MUC5B: variants seen among roughly 807,000 people sequenced by gnomAD.
The protein encoded by MUC5B is mucin 5B, oligomeric mucus/gel-forming.
Under a neutral mutation model 376.9 loss-of-function variants are expected in MUC5B, and 116 were observed. That is an observed-to-expected ratio of 0.31 (90% CI 0.26 to 0.36). The LOEUF is 0.36. MUC5B is among the 10% of genes least tolerant of loss of function. MUC5B has a pLI of 1.00. For missense variants in MUC5B, 7,165 were observed against 7,769.9 expected, an observed-to-expected ratio of 0.92 and a Z score of 2.93; for synonymous variants, 3,517 against 3,390.9, an observed-to-expected ratio of 1.04 and a Z score of -1.29.
In MUC5B at chr11:1,253,178, G is replaced by A. The variant is rs1248112190; in HGVS notation, c.15217+198G>A. On this transcript the variant is annotated intron_variant, in intron 33 of 48. Transcript: ENST00000529681. The surrounding 1 kb of genome is among the most constrained non-coding windows in gnomAD (Gnocchi z 4.3). ...TGGTGGTGGTGTTTGGGAGATCGCTGGCATCCCTTCAGGAAACCATCATGC... is the reference window on the plus strand; with the variant it reads ...TGGTGGTGGTGTTTGGGAGATCGCTAGCATCCCTTCAGGAAACCATCATGC... 2.0e-5 allele frequency among the ~76,000 whole-genome samples: 3 copies of A among 152,050 alleles called. No homozygotes were observed. Among genetic ancestry groups the A allele is most frequent in the Non-Finnish European group, 4.4e-5 (3 of 67,996 alleles).
At position 1,253,971 on chromosome 11, in the gene MUC5B, C is replaced by T; in HGVS notation, c.15218-121C>T. On this transcript the variant is annotated intron_variant, in intron 33 of 48. Coordinates refer to ENST00000529681, the MANE Select transcript of MUC5B (RefSeq NM_002458.3). The surrounding 1 kb of genome is among the most constrained non-coding windows in gnomAD (Gnocchi z 4.3). ...ATTTTTATAGACGAGGCAGCTGAGG[C>T]CCCAGGGGCTTCAGTGGCTCCCCAA... is the stretch of plus-strand genomic sequence containing the variant. 1 of 1,386,206 alleles carries T rather than the reference C, an allele frequency of 7.2e-7. No homozygotes were observed. Among genetic ancestry groups the T allele is most frequent in the Admixed American group, 2.1e-5 (1 of 46,616 alleles). 85.9% of individuals were successfully genotyped at this position (1,386,206 alleles called of 1,614,324 possible). A position where few individuals can be genotyped will look rare whatever the true frequency, so the allele number is the denominator to read the frequency against.
In MUC5B at chr11:1,223,203, C is replaced by T. The variant is rs1417021511; in HGVS notation, c.70+10C>T. The T allele has an allele frequency of 1.4e-6, 1 of 710,350 alleles. No homozygotes were observed. Among genetic ancestry groups the T allele is most frequent in the East Asian group, 2.7e-5 (1 of 37,264 alleles). The allele number at this position is 710,350 out of a possible 1,614,324, so 44.0% of individuals were successfully genotyped here. On this transcript the variant is annotated intron_variant, in intron 1 of 48. Transcript: ENST00000529681. ...GTGGTGCCGCAGGCAGGTAAGAGCCCCCCACTCCGCCCCCTCTCGATGCTG... is the reference window on the plus strand; with the variant it reads ...GTGGTGCCGCAGGCAGGTAAGAGCCTCCCACTCCGCCCCCTCTCGATGCTG...
intron 3 of MUC5B, 93 bp from the exon 4 acceptor site, chr11:1,226,522 T>G: frequency 6.7e-7 from 1 of 1,485,668 alleles, no homozygotes; most frequent in Non-Finnish European, 9.0e-7. Context: ...ACCATGGGCT[T>G]TTCCATTCCA....
chr11:1,248,634 G>A lies in MUC5B; in HGVS notation c.11754G>A (p.Val3918=), dbSNP rs777885766. ...SVPGTTHTPT[V]LTTTTTTVAT... The stretch of plus-strand genomic sequence containing the variant: ...CGGGGACCACCCACACCCCCACAGT[G>A]CTGACCACCACCACCACAACTGTGG... The change falls in exon 31 of 49, where the codon GTG becomes GTA. Residue 3918 remains valine (V), a synonymous_variant. Transcript: ENST00000529681. 3.1e-6 allele frequency: 5 copies of A among 1,610,988 alleles called. No homozygotes were observed. In the East Asian group the frequency reaches 8.9e-5, roughly 29 times the overall value.
At position 1,254,875 on chromosome 11, in the gene MUC5B, A is replaced by G; in HGVS notation, c.15659A>G (p.Gln5220Arg). ...YSLFHNNTEG[Q>R]CGTCTNNQRD... ...CTCTTCCACAACAACACCGAGGGCC[A>G]GTGCGGTGAGTGGGCGGCGGGTCCT... is the stretch of plus-strand genomic sequence containing the variant. The change falls in exon 35 of 49, where the codon CAG becomes CGG. Residue 5220 changes from glutamine to arginine, a missense_variant. Transcript: ENST00000529681. The G allele has an allele frequency of 6.2e-7, 1 of 1,607,586 alleles. No individual in the cohort carries two copies. The highest frequency in any genetic ancestry group is 8.5e-7 in the Non-Finnish European group (1 of 1,178,496).
chr11:1,252,916 C>T lies in MUC5B; in HGVS notation c.15153C>T (p.Asn5051=), dbSNP rs1303023918. ...PKPVANVTCV[N]KHLPIKVSDP... is the part of the protein sequence containing the mutation. ...CTGTGGCCAACGTCACCTGCGTGAA[C>T]AAGCACCTGCCCATCAAAGTGTCGG... is the stretch of plus-strand genomic sequence containing the variant. The change falls in exon 33 of 49, where the codon AAC becomes AAT. Residue 5051 remains asparagine, a synonymous_variant. Transcript: ENST00000529681. 2 of 1,612,704 alleles carry T rather than the reference C, an allele frequency of 1.2e-6. No individual in the cohort carries two copies. The highest frequency in any genetic ancestry group is 1.7e-6 in the Non-Finnish European group (2 of 1,179,880).
chr11:1,229,102 G>A (rs1447070683), intron 8 of MUC5B, 68 bp from the exon 9 acceptor site: 22 of 1,453,404 alleles, frequency 1.5e-5, no homozygotes, highest in East Asian at 2.5e-5. Flanking sequence ...CGTGGAAGGC[G>A]GCTGGGGCTG....
chr11:1,260,761 C>T (rs1334732316), intron 48 of MUC5B, 33 bp downstream of exon 48: 42 of 1,527,154 alleles, frequency 2.8e-5, no homozygotes, highest in Non-Finnish European at 3.7e-5. Flanking sequence ...GCCAAGAGCA[C>T]CTGCGTGTGG....
Position 1,256,759 on chromosome 11 carries a change from G to T in MUC5B, c.16225G>T (p.Val5409Leu), listed in dbSNP as rs915602595. 6.5e-7 allele frequency: 1 copy of T among 1,534,490 alleles called. No individual in the cohort carries two copies. Residue 5409 changes from valine to leucine, a missense_variant, in exon 39 of 49, where the codon GTG (valine) becomes TTG (leucine). Val to Leu is a conservative substitution (Grantham distance 32). Around this residue, in one of 31 missense-constraint regions of MUC5B, gnomAD observed 842 missense variants for 1,016.9 expected, o/e 0.83. Coordinates refer to ENST00000529681, the MANE Select transcript of MUC5B (RefSeq NM_002458.3). Reference sequence around the variant, plus strand: ...CTTCAACGCACACATGGGCATCTGCGTGCAGGCCTGCCGTAAGCTCCGCCA... The same window carrying T: ...CTTCAACGCACACATGGGCATCTGCTTGCAGGCCTGCCGTAAGCTCCGCCA... ...ILFNAHMGIC[V>L]QACPCVGPDG...
rs576417379 is a variant in MUC5B, at chr11:1,242,355, A to G, written c.5475A>G (p.Pro1825=). The part of the protein sequence containing the change: ...RAAGGKMCWA[P]KSIECRAENY... ...CTGGGGGCAAGATGTGCTGGGCACCAAAGAGCATAGAGTGCCGGGCGGAGA... is the reference window on the plus strand; with the variant it reads ...CTGGGGGCAAGATGTGCTGGGCACCGAAGAGCATAGAGTGCCGGGCGGAGA... Residue 1825 remains proline, a synonymous_variant, in exon 31 of 49, where the codon CCA becomes CCG. Transcript: ENST00000529681. 7.5e-5 allele frequency: 121 copies of G among 1,613,896 alleles called. 2 individuals carry two copies. The South Asian group carries it at 1.2e-3, about 16-fold the overall frequency.
chr11:1,248,205 T>G lies in MUC5B; in HGVS notation c.11325T>G (p.Thr3775=), dbSNP rs1449216180. The G allele has an allele frequency of 6.3e-7, 1 of 1,596,330 alleles. No individual in the cohort carries two copies. The highest frequency in any genetic ancestry group is 1.7e-5 in the Admixed American group (1 of 59,418). Residue 3775 remains threonine (T), a synonymous_variant, in exon 31 of 49, where the codon ACT becomes ACG. Coordinates refer to ENST00000529681, the MANE Select transcript of MUC5B (RefSeq NM_002458.3). ...CCACTCCCTTCTCCAGTCCAGGGAC[T>G]GCAACCGCCCTTCCAGCACTGAGAA... ...SKATPFSSPG[T]ATALPALRST...
At chr11:1,231,069 C>A in intron 13 of MUC5B, 64 bp downstream of exon 13, 6 of 1,478,992 alleles carry the variant, frequency 4.1e-6, no homozygotes, top group Non-Finnish European at 4.6e-6. Flanking sequence ...GCTCCCACAG[C>A]CTGGGCAGCG....
chr11:1,230,263 A>T, intron 11 of MUC5B, 120 bp downstream of exon 11: 1 of 1,385,276 alleles, frequency 7.2e-7, no homozygotes, highest in African/African-American at 1.4e-5. Context: ...CTGAGGGGGG[A>T]GCCCTGGGTC....
Position 1,223,116 on chromosome 11 carries a change from C to T in MUC5B, c.-8C>T, listed in dbSNP as rs1487101834. The T allele has an allele frequency of 7.1e-6, 5 of 701,166 alleles. No individual in the cohort carries two copies. The highest frequency in any genetic ancestry group is 1.0e-5 in the Non-Finnish European group (4 of 382,764). The allele number at this position is 701,166 out of a possible 1,614,324, so 43.4% of individuals were successfully genotyped here. Reference sequence around the variant, plus strand: ...GTCCCCGTCCCCCCACCCGTGCCAGCCCCCAGGATGGGTGCCCCGAGCGCG... The same window carrying T: ...GTCCCCGTCCCCCCACCCGTGCCAGTCCCCAGGATGGGTGCCCCGAGCGCG... On this transcript the variant is annotated 5_prime_UTR_variant, in exon 1 of 49. Coordinates refer to ENST00000529681, the MANE Select transcript of MUC5B (RefSeq NM_002458.3).
Position 1,257,250 on chromosome 11 carries a change from A to C in MUC5B, c.16248A>C (p.Gly5416=), listed in dbSNP as rs1488325662. ...CTGTTTTCTTTCCAGCCTGCGTGGG[A>C]CCCGATGGGTTTCCTAAATTTGTGA... ...GICVQACPCV[G]PDGFPKFPGE... The change falls in exon 40 of 49, where the codon GGA becomes GGC. Residue 5416 remains glycine (G), a synonymous_variant. Transcript: ENST00000529681. This position sits in a 1 kb window ranked among gnomAD's most constrained non-coding sequence, Gnocchi z 8.9. The C allele has an allele frequency of 2.6e-6, 2 of 779,536 alleles. No homozygotes were observed. Among genetic ancestry groups the C allele is most frequent in the African/African-American group, 3.4e-5 (2 of 59,060 alleles). 48.3% of individuals were successfully genotyped at this position (779,536 alleles called of 1,614,324 possible). A position where few individuals can be genotyped will look rare whatever the true frequency, so the allele number is the denominator to read the frequency against.
Position 1,230,510 on chromosome 11 carries a change from C to T in MUC5B, c.1380C>T (p.Phe460=). The T allele has an allele frequency of 1.2e-6, 2 of 1,609,480 alleles. No individual in the cohort carries two copies. The highest frequency in any genetic ancestry group is 1.7e-6 in the Non-Finnish European group (2 of 1,177,948). The change falls in exon 12 of 49, where the codon TTC becomes TTT. Residue 460 remains phenylalanine (F), a synonymous_variant. Transcript: ENST00000529681. ...CCCAGAAATGTGCCGACAGCAGCTT[C>T]ACCGTGCTGGCTGAGCTGCGGAAGT... The part of the protein sequence containing the change: ...VLSKKCADSS[F]TVLAELRKCG...
chr11:1,232,241 C>A, intron 15 of MUC5B, 81 bp downstream of exon 15: 1 of 1,463,240 alleles, frequency 6.8e-7, no homozygotes, highest in Non-Finnish European at 9.2e-7. Flanking sequence ...CCACGGGGAC[C>A]CCTGGGTGGG....
rs752678107 is a variant in MUC5B at position 1,242,705 on chromosome 11, C to T, written c.5825C>T (p.Thr1942Met). Reference sequence around the variant, plus strand: ...CCCCCTCCCAAAGTGCTGACCACCACGGCCACCACACCCACAGTCACCAGC... The same window carrying T: ...CCCCCTCCCAAAGTGCTGACCACCATGGCCACCACACCCACAGTCACCAGC... ...TAPPPKVLTT[T>M]ATTPTVTSSK... The change falls in exon 31 of 49, where the codon ACG becomes ATG. Residue 1942 changes from threonine (T) to methionine (M), a missense_variant. This residue lies in a region of MUC5B where 897 missense variants were observed against 779.6 expected (regional missense o/e 1.15). Coordinates refer to ENST00000529681, the MANE Select transcript of MUC5B (RefSeq NM_002458.3). 21 of 1,613,444 alleles carry T rather than the reference C, an allele frequency of 1.3e-5. No homozygotes were observed. The highest frequency in any genetic ancestry group is 3.3e-5 in the Admixed American group (2 of 60,006).
At chr11:1,230,774 G>A (rs1416181172) in intron 12 of MUC5B, among the ~76,000 whole-genome samples, 162 bp from the exon 13 acceptor site, 1 of 151,812 alleles carries the variant, frequency 6.6e-6, no homozygotes, top group Non-Finnish European at 1.5e-5. Context: ...CTGAGGTCAG[G>A]TCCTCCCGGG....
Sources: allele counts gnomAD v4.1 joint callset (sites outside exome capture counted in the v4.1 genomes callset), GRCh38; gene constraint gnomAD v4.1.1; regional missense constraint gnomAD v4.1.1; non-coding constraint Gnocchi (gnomAD v3.1); transcripts MANE v1.5; gene names NCBI Gene and HGNC (gene_info 2026-07-23, HGNC 2026-07-21).